C8orf34: variants seen among roughly 807,000 people sequenced by gnomAD.
C8orf34 encodes chromosome 8 open reading frame 34, also known as uncharacterized protein C8orf34.
Under a neutral mutation model 68.3 loss-of-function variants are expected in C8orf34, and 65 were observed. That is an observed-to-expected ratio of 0.95 (90% confidence interval 0.78 to 1.17). The LOEUF is 1.17. C8orf34 is among the 50% of genes most tolerant of loss of function. The pLI, the probability that C8orf34 is intolerant of heterozygous loss-of-function variation, is 0.00. For missense variants in C8orf34, 664 were observed against 655.4 expected, an observed-to-expected ratio of 1.01 and a Z score of -0.14; for synonymous variants, 244 against 241.2, an observed-to-expected ratio of 1.01 and a Z score of -0.11.
Position 68,577,349 on chromosome 8 carries a change from G to A in C8orf34, c.1105+44200G>A, listed in dbSNP as rs563694665. On this transcript the variant is annotated intron_variant, in intron 7 of 13. Coordinates refer to ENST00000518698, the MANE Select transcript of C8orf34 (RefSeq NM_052958.4). ...GACATAGACTGTTATCATCATAAGGGAGAGAGAGGAATTATCATATAGGTG... is the reference window on the plus strand; with the variant it reads ...GACATAGACTGTTATCATCATAAGGAAGAGAGAGGAATTATCATATAGGTG... Among the ~76,000 whole-genome samples the A allele has an allele frequency of 2.0e-5, 3 of 150,798 alleles. No homozygotes were observed. In the South Asian group the frequency reaches 6.2e-4, roughly 31 times the overall value.
chr8:68,740,898 C>T (rs1293216036), intron 10 of C8orf34, among the ~76,000 whole-genome samples: 1 of 152,114 alleles, frequency 6.6e-6, no homozygotes, highest in African/African-American at 2.4e-5. Context: ...ACTATGCAGT[C>T]CTAAAGAAGA....
rs1332535200 is a variant in C8orf34 at position 68,774,327 on chromosome 8, G to GTATATA, written c.1405-2071_1405-2070insATATAT. On this transcript the variant is annotated intron_variant, in intron 10 of 13. Transcript: ENST00000518698. ...TATCTATGTATAAAAATATGGGTGT[G>GTATATA]TGTGTATATATATATATATATAAAA... Among the ~76,000 whole-genome samples the GTATATA allele has an allele frequency of 3.6e-4, 35 of 96,098 alleles. 1 individual carries two copies. The highest frequency in any genetic ancestry group is 1.1e-3 in the Admixed American group (12 of 10,634). 63.0% of individuals were successfully genotyped at this position (96,098 alleles called of 152,430 possible). A position where few individuals can be genotyped will look rare whatever the true frequency, so the allele number is the denominator to read the frequency against.
chr8:68,659,647 T>G (rs903802576), intron 8 of C8orf34, among the ~76,000 whole-genome samples: 18 of 152,124 alleles, frequency 1.2e-4, no homozygotes, highest in Non-Finnish European at 1.5e-4. Flanking sequence ...AAAATAAGTT[T>G]CCTTGACTCT....
Position 68,446,440 on chromosome 8 carries a change from C to T in C8orf34, c.587C>T (p.Pro196Leu). The T allele has an allele frequency of 6.2e-7, 1 of 1,612,372 alleles. No individual in the cohort carries two copies. The highest frequency in any genetic ancestry group is 8.5e-7 in the Non-Finnish European group (1 of 1,179,308). The part of the protein sequence containing the change: ...SDLAVSNISP[P>L]SPDSKSLPRS... ...CTTGCTGTGTCTAATATTTCTCCAC[C>T]ATCACCGGACTCCAAATCATGTAAG... is the stretch of plus-strand genomic sequence containing the variant. Residue 196 changes from proline (P) to leucine (L), a missense_variant, in exon 3 of 14, where the codon CCA (proline) becomes CTA (leucine). Coordinates refer to ENST00000518698, the MANE Select transcript of C8orf34 (RefSeq NM_052958.4).
At chr8:68,605,874 T>G in intron 7 of C8orf34, among the ~76,000 whole-genome samples, 1 of 152,060 alleles carries the variant, frequency 6.6e-6, no homozygotes, top group South Asian at 2.1e-4. Flanking sequence ...CTATGGACTT[T>G]GGGTGATGAT....
intron 7 of C8orf34, among the ~76,000 whole-genome samples, chr8:68,626,301 C>T (rs1818536632): frequency 6.6e-6 from 1 of 152,104 alleles, no homozygotes; most frequent in Admixed American, 6.6e-5. Flanking sequence ...AATCTTGTTC[C>T]ATTTGAAATC....
At chr8:68,418,987 T>G (rs1345212244) in intron 1 of C8orf34, among the ~76,000 whole-genome samples, 2 of 148,880 alleles carry the variant, frequency 1.3e-5, no homozygotes, top group Non-Finnish European at 3.0e-5. Flanking sequence ...AAATGGGATC[T>G]AATTAAACTA....
At chr8:68,682,126 C>T (rs974788060) in intron 8 of C8orf34, among the ~76,000 whole-genome samples, 4 of 152,042 alleles carry the variant, frequency 2.6e-5, no homozygotes, top group African/African-American at 7.2e-5. Flanking sequence ...GACTGTAGTG[C>T]TGTAGTCTGT....
At chr8:68,616,610 T>G (rs1279456547) in intron 7 of C8orf34, among the ~76,000 whole-genome samples, 1 of 152,178 alleles carries the variant, frequency 6.6e-6, no homozygotes, top group Non-Finnish European at 1.5e-5. Flanking sequence ...TTGAGTGAGT[T>G]TCTTAATCCT....
intron 10 of C8orf34, among the ~76,000 whole-genome samples, chr8:68,724,125 T>G (rs1203382618): frequency 6.6e-6 from 1 of 152,102 alleles, no homozygotes; most frequent in African/African-American, 2.4e-5. Context: ...GAGGAAAGCA[T>G]GGGTTAAATT....
intron 1 of C8orf34, among the ~76,000 whole-genome samples, chr8:68,369,074 A>G (rs954608688): frequency 1.3e-4 from 20 of 152,284 alleles, no homozygotes; most frequent in African/African-American, 3.1e-4. Flanking sequence ...GTTATTCATT[A>G]TTTTCAATTC....
chr8:68,436,356 C>T (rs1390615596), intron 1 of C8orf34, among the ~76,000 whole-genome samples: 1 of 152,132 alleles, frequency 6.6e-6, no homozygotes, highest in Admixed American at 6.6e-5. Context: ...CTGTTGGTGA[C>T]AGCTGCTAAT....
chr8:68,654,333 C>G (rs899092791), intron 8 of C8orf34, among the ~76,000 whole-genome samples: 1 of 152,170 alleles, frequency 6.6e-6, no homozygotes, highest in Non-Finnish European at 1.5e-5. Context: ...TATAGGGCAG[C>G]CTGAACAGAC....
At chr8:68,395,121 T>C (rs1808639485) in intron 1 of C8orf34, among the ~76,000 whole-genome samples, 1 of 151,944 alleles carries the variant, frequency 6.6e-6, no homozygotes, top group Non-Finnish European at 1.5e-5. Flanking sequence ...GTGGAAAAAG[T>C]ACAAAAAGTA....
chr8:68,693,676 A>T (rs1476835913), intron 8 of C8orf34, among the ~76,000 whole-genome samples: 4 of 152,126 alleles, frequency 2.6e-5, no homozygotes, highest in Non-Finnish European at 5.9e-5. Context: ...TTGTTTTGAT[A>T]AGTGACCCAA....
At chr8:68,592,930 G>C (rs532095926) in intron 7 of C8orf34, among the ~76,000 whole-genome samples, 3 of 151,602 alleles carry the variant, frequency 2.0e-5, no homozygotes, top group Non-Finnish European at 2.9e-5. Context: ...TCTTTTATTC[G>C]ATGTGTTGAG....
intron 1 of C8orf34, among the ~76,000 whole-genome samples, chr8:68,430,863 T>C (rs1248597301): frequency 6.6e-6 from 1 of 152,052 alleles, no homozygotes; most frequent in African/African-American, 2.4e-5. Context: ...AGGCAACCCC[T>C]CTTCTCTAAA....
At chr8:68,733,334 G>A (rs1364026432) in intron 10 of C8orf34, among the ~76,000 whole-genome samples, 1 of 152,072 alleles carries the variant, frequency 6.6e-6, no homozygotes, top group Non-Finnish European at 1.5e-5. Context: ...TGTAAGCCTG[G>A]GGAGCCAGGA....
At chr8:68,772,266 C>T (rs1243561463) in intron 10 of C8orf34, among the ~76,000 whole-genome samples, 1 of 152,192 alleles carries the variant, frequency 6.6e-6, no homozygotes, top group Non-Finnish European at 1.5e-5. Context: ...GTACCCTACA[C>T]ACAAGTGCCA....
Sources: allele counts gnomAD v4.1 joint callset (sites outside exome capture counted in the v4.1 genomes callset), GRCh38; gene constraint gnomAD v4.1.1; transcripts MANE v1.5; gene names NCBI Gene and HGNC (gene_info 2026-07-23, HGNC 2026-07-21).